The following CFAP20DC variants were observed in gnomAD, a reference collection of about 807,000 sequenced individuals.
CFAP20DC encodes CFAP20 domain containing.
Under a neutral mutation model 101.7 loss-of-function variants are expected in CFAP20DC, and 84 were observed. The ratio of observed to expected loss-of-function variants is 0.83; its 90% CI spans 0.69 to 0.99. The LOEUF is 0.99. Among genes scored for constraint, CFAP20DC ranks in the 50% least tolerant of loss-of-function variants. The pLI is 0.00. For missense variants in CFAP20DC, 1,007 were observed against 970.3 expected (o/e 1.04, Z -0.50); for synonymous variants, 359 against 351.2 (o/e 1.02, Z -0.25).
At chr3:58,940,938 A>G (rs2088467358) in intron 4 of CFAP20DC, among the ~76,000 whole-genome samples, 2 of 152,094 alleles carry the variant, frequency 1.3e-5, no homozygotes, top group South Asian at 4.1e-4. Flanking sequence ...TTCTTTTTTA[A>G]TGTTTTATAG....
chr3:58,992,270 C>T (rs1416547205), intron 4 of CFAP20DC, among the ~76,000 whole-genome samples: 1 of 152,110 alleles, frequency 6.6e-6, no homozygotes, highest in Non-Finnish European at 1.5e-5. Flanking sequence ...CAGTACCTGA[C>T]CAGGTTAAGC....
chr3:58,787,015 C>T (rs2072402744), intron 15 of CFAP20DC, among the ~76,000 whole-genome samples: 1 of 151,290 alleles, frequency 6.6e-6, no homozygotes, highest in African/African-American at 2.4e-5. Context: ...TGGAATGTAC[C>T]CCCTGTAGAT....
intron 4 of CFAP20DC, among the ~76,000 whole-genome samples, chr3:59,038,522 G>A (rs1274316762): frequency 2.6e-5 from 4 of 152,134 alleles, no homozygotes. Flanking sequence ...CAAATTGAAG[G>A]TTTGTAGCAA....
In CFAP20DC at chr3:58,968,135, A is replaced by C. The variant is rs979050861; in HGVS notation, c.279-30373T>G. Among the ~76,000 whole-genome samples, 10 of 152,208 alleles carry C rather than the reference A, an allele frequency of 6.6e-5. No homozygotes were observed. The South Asian group carries it at 2.1e-3, about 32-fold the overall frequency. ...ACTGATGGGCATTTAGGTTGATTTC[A>C]TGTCTTTGCTATTGTGAATAGTGCT... On this transcript the variant is annotated intron_variant, in intron 4 of 16. Transcript: ENST00000482387.
At chr3:59,018,640 A>C (rs1323389087) in intron 4 of CFAP20DC, 1 of 152,154 alleles carries the variant, frequency 6.6e-6, no homozygotes, top group Non-Finnish European at 1.5e-5. Flanking sequence ...ACTTTTCAGC[A>C]GTGTCACTGA....
chr3:58,750,167 G>A (rs768070929), intron 16 of CFAP20DC, among the ~76,000 whole-genome samples: 1 of 152,176 alleles, frequency 6.6e-6, no homozygotes, highest in Non-Finnish European at 1.5e-5. Flanking sequence ...ATAAAGTAGG[G>A]ACAGGAACCT....
intron 14 of CFAP20DC, among the ~76,000 whole-genome samples, chr3:58,807,313 C>T (rs553937176): frequency 1.3e-5 from 2 of 152,130 alleles, no homozygotes; most frequent in African/African-American, 4.8e-5. Flanking sequence ...TGGGAGGCAC[C>T]CCCCAGTAGG....
chr3:58,813,011 A>AGAAAATAC (rs2074792410), intron 14 of CFAP20DC, among the ~76,000 whole-genome samples: 1 of 151,912 alleles, frequency 6.6e-6, no homozygotes, highest in African/African-American at 2.4e-5. Context: ...CCAGACACAC[A>AGAAAATAC]GAAAATACAT....
chr3:59,017,928 C>T (rs1185753697), intron 4 of CFAP20DC: 1 of 152,144 alleles, frequency 6.6e-6, no homozygotes, highest in Non-Finnish European at 1.5e-5. Context: ...CAGCTACAAA[C>T]AGAGTGCAGC....
At chr3:59,031,043 C>G (rs547887910) in intron 4 of CFAP20DC, among the ~76,000 whole-genome samples, 7 of 151,480 alleles carry the variant, frequency 4.6e-5, no homozygotes, top group Non-Finnish European at 8.8e-5. Context: ...AGGATAGTCT[C>G]GATCTCCTGA....
At chr3:58,811,364 T>C (rs369903407) in intron 14 of CFAP20DC, among the ~76,000 whole-genome samples, 1 of 151,732 alleles carries the variant, frequency 6.6e-6, no homozygotes, top group African/African-American at 2.4e-5. Flanking sequence ...GAGATATAGA[T>C]CAATGGAACA....
intron 12 of CFAP20DC, 108 bp from the exon 13 acceptor site, chr3:58,849,517 G>A (rs2078031511): frequency 1.2e-6 from 1 of 820,992 alleles, no homozygotes. Flanking sequence ...TAAAGCAAAA[G>A]CATCTATATA....
chr3:58,745,939 T>G (rs2068162577), intron 16 of CFAP20DC, among the ~76,000 whole-genome samples: 2 of 152,186 alleles, frequency 1.3e-5, no homozygotes. Flanking sequence ...CTATGAGGAC[T>G]AAATAACACT....
chr3:58,974,137 T>C (rs1392382625), intron 4 of CFAP20DC, among the ~76,000 whole-genome samples: 1 of 152,016 alleles, frequency 6.6e-6, no homozygotes, highest in African/African-American at 2.4e-5. Context: ...GGGGTACATG[T>C]GAAAGTTTGT....
chr3:58,864,907 A>AT lies in CFAP20DC; in HGVS notation c.1259-1016_1259-1015insA, dbSNP rs913719120. Among the ~76,000 whole-genome samples, 1 of 152,184 alleles carries AT rather than the reference A, an allele frequency of 6.6e-6. No homozygotes were observed. Among genetic ancestry groups the AT allele is most frequent in the African/African-American group, 2.4e-5 (1 of 41,452 alleles). On this transcript the variant is annotated intron_variant, in intron 11 of 16. Coordinates refer to ENST00000482387, the MANE Select transcript of CFAP20DC (RefSeq NM_001394063.1). This position sits in a 1 kb window ranked among gnomAD's most constrained non-coding sequence, Gnocchi z 4.7. The stretch of plus-strand genomic sequence containing the variant: ...TTTAAAATACCATACACTACAGGGA[A>AT]ATATATATTTTTTCAAAACTTTTAA...
At chr3:58,855,534 A>C (rs887858893) in intron 12 of CFAP20DC, among the ~76,000 whole-genome samples, 5 of 152,156 alleles carry the variant, frequency 3.3e-5, no homozygotes, top group African/African-American at 1.2e-4. Flanking sequence ...AGACACGTGC[A>C]CACATGTTTA....
chr3:59,022,395 T>C (rs1180646979), intron 4 of CFAP20DC, among the ~76,000 whole-genome samples: 1 of 152,084 alleles, frequency 6.6e-6, no homozygotes, highest in African/African-American at 2.4e-5. Flanking sequence ...TGCTCTATAA[T>C]AGAGAATTGA....
intron 4 of CFAP20DC, among the ~76,000 whole-genome samples, chr3:59,039,037 T>C (rs1190934856): frequency 6.6e-6 from 1 of 152,074 alleles, no homozygotes; most frequent in Non-Finnish European, 1.5e-5. Flanking sequence ...TCTCACATAA[T>C]AGATAGCTCA....
intron 10 of CFAP20DC, 46 bp downstream of exon 10, chr3:58,867,771 C>G (rs370413637): frequency 7.8e-5 from 126 of 1,608,118 alleles, no homozygotes; most frequent in Non-Finnish European, 1.0e-4. Flanking sequence ...ATTCGATTGC[C>G]CTGAATAATA....
Sources: gnomAD v4.1 joint callset for allele counts (sites outside exome capture counted in the v4.1 genomes callset) on GRCh38, gnomAD v4.1.1 for gene constraint, Gnocchi (gnomAD v3.1) non-coding constraint, MANE v1.5 for transcripts, NCBI Gene and HGNC (gene_info 2026-07-23, HGNC 2026-07-21) for gene names.